Variants in DCC observed in about 807,000 individuals in gnomAD.
DCC encodes DCC netrin 1 receptor.
In DCC, 58 loss-of-function variants were observed where a neutral mutation model predicts 172.5. That is an observed-to-expected ratio of 0.34 (90% confidence interval 0.27 to 0.42). DCC has a LOEUF of 0.42. DCC is among the 10% of genes least tolerant of loss of function. The probability of loss-of-function intolerance (pLI) is 1.00; values close to 1 mark genes in which losing one functional copy is unlikely to be tolerated. For synonymous variants in DCC, 709 were observed against 644.5 expected, an observed-to-expected ratio of 1.10 and a Z score of -1.52; for missense variants, 1,740 against 1,791.0, an observed-to-expected ratio of 0.97 and a Z score of 0.51.
At chr18:53,483,687 A>G (rs2045864902) in intron 25 of DCC, among the ~76,000 whole-genome samples, 1 of 151,866 alleles carries the variant, frequency 6.6e-6, no homozygotes, top group African/African-American at 2.4e-5. Context: ...AAATTTATAT[A>G]AACCAAAATT....
intron 7 of DCC, among the ~76,000 whole-genome samples, chr18:53,082,980 G>A (rs981479471): frequency 1.3e-5 from 2 of 151,530 alleles, no homozygotes; most frequent in Non-Finnish European, 2.9e-5. Flanking sequence ...GGCCCACTTT[G>A]TTCTTCATGC....
intron 5 of DCC, 32 bp from the exon 6 acceptor site, chr18:53,063,273 A>C: frequency 6.2e-7 from 1 of 1,609,784 alleles, no homozygotes; most frequent in Non-Finnish European, 8.5e-7. Context: ...ATCCCCACCC[A>C]CTCACTCACT....
At chr18:52,738,220 G>A (rs1254503403) in intron 1 of DCC, among the ~76,000 whole-genome samples, 1 of 152,016 alleles carries the variant, frequency 6.6e-6, no homozygotes, top group Non-Finnish European at 1.5e-5. Flanking sequence ...AGTAACACAG[G>A]CACATCTTGC....
intron 22 of DCC, among the ~76,000 whole-genome samples, chr18:53,445,253 C>T (rs772322478): frequency 2.6e-5 from 4 of 152,134 alleles, no homozygotes; most frequent in Non-Finnish European, 5.9e-5. Context: ...AATTCAAATG[C>T]TTATAAAATT....
intron 2 of DCC, among the ~76,000 whole-genome samples, chr18:52,867,860 A>G (rs2039252404): frequency 6.6e-6 from 1 of 152,062 alleles, no homozygotes; most frequent in South Asian, 2.1e-4. Context: ...AGGCTGTCTG[A>G]ATATACAAAG....
At chr18:53,203,201 T>TTGTGTGTGTGTG (rs66474118) in intron 9 of DCC, among the ~76,000 whole-genome samples, 1 of 125,254 alleles carries the variant, frequency 8.0e-6, no homozygotes, top group African/African-American at 2.9e-5. Flanking sequence ...ATAGATTCTC[T>TTGTGTGTGTGTG]TGTGTGTGTG....
At chr18:52,413,786 A>G (rs1986922032) in intron 1 of DCC, among the ~76,000 whole-genome samples, 1 of 151,632 alleles carries the variant, frequency 6.6e-6, no homozygotes, top group African/African-American at 2.4e-5. Flanking sequence ...TCTAGTTTTG[A>G]TGAGACTCTG....
chr18:53,351,107 A>G (rs1220687029), intron 15 of DCC, among the ~76,000 whole-genome samples: 1 of 150,862 alleles, frequency 6.6e-6, no homozygotes, highest in Admixed American at 6.6e-5. Context: ...GTGATTCATT[A>G]ATAATACATA....
intron 12 of DCC, among the ~76,000 whole-genome samples, chr18:53,286,692 G>A (rs899270588): frequency 3.9e-5 from 6 of 152,026 alleles, no homozygotes; most frequent in Admixed American, 2.0e-4. Flanking sequence ...CCAGTGCATC[G>A]CCATTGCTGT....
intron 24 of DCC, among the ~76,000 whole-genome samples, chr18:53,462,614 C>T (rs912168775): frequency 2.0e-5 from 3 of 152,012 alleles, no homozygotes; most frequent in Non-Finnish European, 4.4e-5. Context: ...AGGTAATATA[C>T]TTGAATCATC....
intron 5 of DCC, among the ~76,000 whole-genome samples, chr18:52,926,861 G>A (rs1405155504): frequency 7.0e-6 from 1 of 143,204 alleles, no homozygotes; most frequent in Non-Finnish European, 1.5e-5. Flanking sequence ...ACGTGTGTGT[G>A]TATATATACA....
intron 28 of DCC, 150 bp downstream of exon 28, chr18:53,526,909 C>A: frequency 4.0e-6 from 3 of 758,628 alleles, no homozygotes; most frequent in Non-Finnish European, 6.7e-6. Flanking sequence ...TGTTTTCCTG[C>A]ACTTAAATAT....
intron 1 of DCC, among the ~76,000 whole-genome samples, chr18:52,437,577 G>T (rs1263194154): frequency 1.3e-5 from 2 of 152,200 alleles, no homozygotes; most frequent in Non-Finnish European, 2.9e-5. Context: ...CGCATATTCT[G>T]CAGATAGGAT....
chr18:53,113,845 A>C (rs1164335724), intron 7 of DCC, among the ~76,000 whole-genome samples: 1 of 151,444 alleles, frequency 6.6e-6, no homozygotes, highest in Middle Eastern at 3.2e-3. Flanking sequence ...TTTCAGAACC[A>C]TACTGCTTCA....
At chr18:52,435,404 G>A (rs1168731501) in intron 1 of DCC, among the ~76,000 whole-genome samples, 2 of 152,092 alleles carry the variant, frequency 1.3e-5, no homozygotes, top group Non-Finnish European at 2.9e-5. Flanking sequence ...GGTGGGGTAT[G>A]TAGTAAGATC....
chr18:52,950,929 C>CAAAAAAAAAAAAAAAAA (rs755118442), intron 5 of DCC, among the ~76,000 whole-genome samples: 9 of 57,424 alleles, frequency 1.6e-4, no homozygotes, highest in Admixed American at 3.0e-4. Flanking sequence ...GACTCCGTCT[C>CAAAAAAAAAAAAAAAAA]AAAAAAAAAA....
At chr18:52,623,730 T>G (rs1333675664) in intron 1 of DCC, among the ~76,000 whole-genome samples, 4 of 152,186 alleles carry the variant, frequency 2.6e-5, no homozygotes, top group Admixed American at 6.5e-5. Flanking sequence ...TATTTTCTTT[T>G]TCTATCTCTG....
chr18:52,868,075 GTGTA>G (rs1304224456), intron 2 of DCC, among the ~76,000 whole-genome samples: 2 of 121,034 alleles, frequency 1.7e-5, no homozygotes, highest in South Asian at 2.5e-4. Context: ...GTGTGTGTGT[GTGTA>G]TATATGTGTG....
At chr18:52,781,063 A>C (rs1263130403) in intron 2 of DCC, among the ~76,000 whole-genome samples, 2 of 152,204 alleles carry the variant, frequency 1.3e-5, no homozygotes, top group Non-Finnish European at 2.9e-5. Context: ...ACCCAGGGAA[A>C]GTGTCTATTT....
Sources: gnomAD v4.1 joint callset for allele counts (sites outside exome capture counted in the v4.1 genomes callset) on GRCh38, gnomAD v4.1.1 for gene constraint, MANE v1.5 for transcripts, NCBI Gene and HGNC (gene_info 2026-07-23, HGNC 2026-07-21) for gene names.